AVL9: variants seen among roughly 807,000 people sequenced by gnomAD.
AVL9 encodes late secretory pathway protein AVL9 homolog.
A neutral mutation model predicts 79.2 loss-of-function variants in AVL9; 49 were observed. The ratio of observed to expected loss-of-function variants is 0.62; its 90% CI spans 0.49 to 0.79. The LOEUF (loss-of-function observed/expected upper bound fraction) is 0.79, where lower values mean the gene tolerates loss of function less well. Ranked by LOEUF, AVL9 falls within the 30% of genes least tolerant of loss-of-function variation. The pLI is 0.00. For missense variants in AVL9, 682 were observed against 776.8 expected (o/e 0.88, Z 1.45); for synonymous variants, 299 against 280.6 (o/e 1.07, Z -0.65).
At chr7:32,580,698 G>C in intron 14 of AVL9, 104 bp from the exon 15 acceptor site, 2 of 709,752 alleles carry the variant, frequency 2.8e-6, no homozygotes, top group Non-Finnish European at 4.8e-6. Flanking sequence ...ATTTTGGATG[G>C]TTACAGAGTG....
chr7:32,576,319 A>G (rs1462836982), intron 13 of AVL9, among the ~76,000 whole-genome samples: 1 of 152,190 alleles, frequency 6.6e-6, no homozygotes, highest in East Asian at 1.9e-4. Flanking sequence ...TGATTCAGAG[A>G]GGAAGTCCCT....
At chr7:32,524,255 C>T (rs1788304105) in intron 1 of AVL9, among the ~76,000 whole-genome samples, 1 of 152,060 alleles carries the variant, frequency 6.6e-6, no homozygotes, top group South Asian at 2.1e-4. Context: ...GTGGCTCACG[C>T]CTGTAATCCT....
rs1030826922 is a variant in AVL9 at position 32,495,573 on chromosome 7, C to T, written c.-137C>T. 2.1e-6 allele frequency: 1 copy of T among 476,832 alleles called. No individual in the cohort carries two copies. The allele number at this position is 476,832 out of a possible 1,614,324, so 29.5% of individuals were successfully genotyped here. Reference sequence around the variant, plus strand: ...GGGGGCGGCGGGAGCTGCTTTGCCTCCACCGATCTCCCTGTGCGGCCCTCA... The same window carrying T: ...GGGGGCGGCGGGAGCTGCTTTGCCTTCACCGATCTCCCTGTGCGGCCCTCA... On this transcript the variant is annotated 5_prime_UTR_variant, in exon 1 of 16. Coordinates refer to ENST00000318709, the MANE Select transcript of AVL9 (RefSeq NM_015060.3).
intron 1 of AVL9, among the ~76,000 whole-genome samples, chr7:32,529,298 A>G (rs1233439927): frequency 6.6e-6 from 1 of 152,202 alleles, no homozygotes; most frequent in Non-Finnish European, 1.5e-5. Context: ...CTATGGGGTT[A>G]AAACAGAGGG....
chr7:32,517,067 T>C (rs182308056), intron 1 of AVL9, among the ~76,000 whole-genome samples: 236 of 152,302 alleles, frequency 1.5e-3, no homozygotes, highest in African/African-American at 5.3e-3. Flanking sequence ...TTTTTGTTAT[T>C]GTTAATTGTT....
At chr7:32,541,717 T>A (rs890863846) in intron 1 of AVL9, among the ~76,000 whole-genome samples, 1 of 63,590 alleles carries the variant, frequency 1.6e-5, no homozygotes, top group Admixed American at 1.7e-4. Flanking sequence ...CTTCAGTTAA[T>A]TTTTTTTTTT....
chr7:32,510,696 T>G, intron 1 of AVL9, among the ~76,000 whole-genome samples: 1 of 63,992 alleles, frequency 1.6e-5, no homozygotes, highest in African/African-American at 6.2e-5. Flanking sequence ...TGTGGGAGTC[T>G]ACAGTCCTGG....
At chr7:32,579,482 TA>T (rs1791319985) in intron 13 of AVL9, among the ~76,000 whole-genome samples, 4 of 9,126 alleles carry the variant, frequency 4.4e-4, no homozygotes, top group African/African-American at 1.1e-3. Context: ...TTATATTATA[TA>T]TAATATATTA....
At chr7:32,551,215 A>T in intron 4 of AVL9, 119 bp from the exon 5 acceptor site, 1 of 663,720 alleles carries the variant, frequency 1.5e-6, no homozygotes, top group Non-Finnish European at 2.7e-6. Flanking sequence ...GTTGATAGTT[A>T]CTAACTTTTT....
At chr7:32,513,353 A>G (rs764846867) in intron 1 of AVL9, among the ~76,000 whole-genome samples, 3 of 152,236 alleles carry the variant, frequency 2.0e-5, no homozygotes, top group African/African-American at 7.2e-5. Flanking sequence ...CAGCATTACT[A>G]TCATCACAGA....
At chr7:32,513,031 C>G (rs1787750314) in intron 1 of AVL9, among the ~76,000 whole-genome samples, 1 of 152,154 alleles carries the variant, frequency 6.6e-6, no homozygotes, top group Non-Finnish European at 1.5e-5. Flanking sequence ...CTTCTACCAA[C>G]TACTTGCTAA....
intron 1 of AVL9, among the ~76,000 whole-genome samples, chr7:32,523,508 CTTTTTTTTTTTTTTT>C (rs70992725): frequency 1.6e-4 from 13 of 79,264 alleles, no homozygotes; most frequent in African/African-American, 6.1e-4. Flanking sequence ...TATAAATTTC[CTTTTTTTTTTTTTTT>C]TTTTTTTTTT....
chr7:32,572,605 A>C (rs1583596440), intron 11 of AVL9, among the ~76,000 whole-genome samples: 2 of 150,532 alleles, frequency 1.3e-5, no homozygotes, highest in East Asian at 3.9e-4. Flanking sequence ...CATCGAGACC[A>C]TCCTGGCTAA....
At chr7:32,515,542 G>A (rs538848968) in intron 1 of AVL9, among the ~76,000 whole-genome samples, 9 of 152,330 alleles carry the variant, frequency 5.9e-5, no homozygotes, top group Admixed American at 4.6e-4. Context: ...TAGAAGGCAG[G>A]TAACTCCTTT....
chr7:32,541,251 A>G (rs536402268), intron 1 of AVL9, among the ~76,000 whole-genome samples: 7 of 152,148 alleles, frequency 4.6e-5, no homozygotes, highest in African/African-American at 1.4e-4. Context: ...GACCCTAAAG[A>G]GAAACATATT....
Position 32,495,521 on chromosome 7 carries a change from G to T in AVL9, c.-189G>T. 1 of 397,148 alleles carries T rather than the reference G, an allele frequency of 2.5e-6. No homozygotes were observed. The highest frequency in any genetic ancestry group is 4.5e-6 in the Non-Finnish European group (1 of 224,236). 24.6% of individuals were successfully genotyped at this position (397,148 alleles called of 1,614,324 possible). ...GTGACAGCCCGGAAGCTGCGGAAGC[G>T]GATGAGGGAAGGGCGGCCGTGGCCC... On this transcript the variant is annotated 5_prime_UTR_variant, in exon 1 of 16. Transcript: ENST00000318709.
chr7:32,543,818 C>G (rs1022372877), intron 2 of AVL9, among the ~76,000 whole-genome samples: 1 of 152,166 alleles, frequency 6.6e-6, no homozygotes, highest in South Asian at 2.1e-4. Flanking sequence ...CTTTGCCTGA[C>G]TTAATGAAGG....
intron 2 of AVL9, among the ~76,000 whole-genome samples, chr7:32,544,254 G>A (rs1789363152): frequency 6.6e-6 from 1 of 152,130 alleles, no homozygotes; most frequent in Admixed American, 6.6e-5. Flanking sequence ...GTAACTTCCA[G>A]TACCATTATC....
At chr7:32,513,465 C>A (rs997110351) in intron 1 of AVL9, among the ~76,000 whole-genome samples, 8 of 152,214 alleles carry the variant, frequency 5.3e-5, no homozygotes, top group African/African-American at 1.9e-4. Context: ...CCCAGACATT[C>A]TTTTCTATAG....
Sources: allele counts gnomAD v4.1 joint callset (sites outside exome capture counted in the v4.1 genomes callset), GRCh38; gene constraint gnomAD v4.1.1; transcripts MANE v1.5; gene names NCBI Gene and HGNC (gene_info 2026-07-23, HGNC 2026-07-21).